Variants in CCDC102B observed in about 807,000 individuals in gnomAD.
The protein encoded by CCDC102B is coiled-coil domain containing 102B.
In CCDC102B, 75 loss-of-function variants were observed where a neutral mutation model predicts 57.4. That is an observed-to-expected ratio of 1.31 (90% confidence interval 1.08 to 1.58). CCDC102B has a LOEUF of 1.58. Ranked by LOEUF, CCDC102B falls within the 40% of genes most tolerant of loss-of-function variation. The probability of loss-of-function intolerance (pLI) is 0.00; values close to 1 mark genes in which losing one functional copy is unlikely to be tolerated. For missense variants in CCDC102B, 636 were observed against 582.6 expected (o/e 1.09, Z -0.94); for synonymous variants, 206 against 201.9 (o/e 1.02, Z -0.17).
intron 7 of CCDC102B, among the ~76,000 whole-genome samples, chr18:69,022,323 T>C (rs2051867184): frequency 6.9e-6 from 1 of 145,160 alleles, no homozygotes; most frequent in Admixed American, 7.1e-5. Context: ...GGGCCATATA[T>C]ATATGTGTGT....
At chr18:68,949,626 A>G (rs911603891) in intron 6 of CCDC102B, among the ~76,000 whole-genome samples, 2 of 152,070 alleles carry the variant, frequency 1.3e-5, no homozygotes, top group Non-Finnish European at 2.9e-5. Context: ...CCTCTGCTAT[A>G]ATGAATGACA....
chr18:68,875,240 A>G (rs1392988649), intron 5 of CCDC102B, among the ~76,000 whole-genome samples: 2 of 152,166 alleles, frequency 1.3e-5, no homozygotes, highest in African/African-American at 4.8e-5. Context: ...TACACCAAGT[A>G]GTGAAAACAC....
intron 2 of CCDC102B, among the ~76,000 whole-genome samples, chr18:68,745,596 A>G (rs1456539000): frequency 6.6e-6 from 1 of 152,124 alleles, no homozygotes; most frequent in East Asian, 1.9e-4. Flanking sequence ...GGGAATATTA[A>G]AAATCCTCTC....
chr18:68,992,687 C>G (rs1382477165), intron 6 of CCDC102B: 6 of 153,346 alleles, frequency 3.9e-5, no homozygotes, highest in Admixed American at 1.3e-4. Flanking sequence ...ATGGAAGCTC[C>G]AGGGGCAGAG....
Position 68,866,713 on chromosome 18 carries a change from A to G in CCDC102B, c.937-7956A>G, listed in dbSNP as rs1056731711. ...GTCTACAGTTTGGCCTCTTCTCATG[A>G]CGATGTCCATTTGCCACCGTGGGTC... On this transcript the variant is annotated intron_variant, in intron 4 of 7. Transcript: ENST00000360242. 21 of 532,380 alleles carry G rather than the reference A, an allele frequency of 3.9e-5. 1 individual carries two copies. Among genetic ancestry groups the G allele is most frequent in the African/African-American group, 3.1e-4 (16 of 52,198 alleles). 33.0% of individuals were successfully genotyped at this position (532,380 alleles called of 1,614,324 possible). A position where few individuals can be genotyped will look rare whatever the true frequency, so the allele number is the denominator to read the frequency against.
At chr18:68,811,444 A>G (rs1182073501) in intron 1 of CCDC102B, among the ~76,000 whole-genome samples, 2 of 152,114 alleles carry the variant, frequency 1.3e-5, no homozygotes, top group African/African-American at 4.8e-5. Flanking sequence ...GCAAAACCCC[A>G]TCTCTACTAA....
At chr18:68,875,322 ACTGTT>A (rs2039401727) in intron 5 of CCDC102B, among the ~76,000 whole-genome samples, 3 of 152,298 alleles carry the variant, frequency 2.0e-5, no homozygotes, top group Admixed American at 2.0e-4. Flanking sequence ...AGTGTTTTTT[ACTGTT>A]CTGTAGGTAA....
At chr18:68,943,254 A>AT (rs2049438190) in intron 6 of CCDC102B, among the ~76,000 whole-genome samples, 1 of 152,034 alleles carries the variant, frequency 6.6e-6, no homozygotes, top group Admixed American at 6.6e-5. Flanking sequence ...ATTACTGTTT[A>AT]TTTTTATTTT....
intron 6 of CCDC102B, among the ~76,000 whole-genome samples, chr18:68,969,520 G>C (rs1335545294): frequency 7.4e-6 from 1 of 135,084 alleles, no homozygotes; most frequent in Admixed American, 8.0e-5. Flanking sequence ...CATTCATTCT[G>C]TGAGATCAAT....
At chr18:68,743,894 T>C (rs2033511318) in intron 2 of CCDC102B, among the ~76,000 whole-genome samples, 1 of 152,220 alleles carries the variant, frequency 6.6e-6, no homozygotes, top group South Asian at 2.1e-4. Flanking sequence ...TGTTTTTTAG[T>C]TGAGTGTGAG....
rs529686296 is a variant in CCDC102B, at chr18:68,926,017, C to A, written c.1263+28589C>A. ...TTATACATTTTGGAGTTTTCTCCAC[C>A]AGGGATAATAAATTAGCAAAATATT... On this transcript the variant is annotated intron_variant, in intron 6 of 7. Coordinates refer to ENST00000360242, the MANE Select transcript of CCDC102B (RefSeq NM_024781.3). Among the ~76,000 whole-genome samples the A allele has an allele frequency of 1.6e-4, 24 of 151,862 alleles. No individual in the cohort carries two copies. In the East Asian group the frequency reaches 2.9e-3, roughly 18 times the overall value.
intron 6 of CCDC102B, among the ~76,000 whole-genome samples, chr18:68,923,754 A>G (rs2041372020): frequency 6.6e-6 from 1 of 152,078 alleles, no homozygotes; most frequent in African/African-American, 2.4e-5. Context: ...TTGTCTTTAT[A>G]TCACCTAGAA....
intron 2 of CCDC102B, among the ~76,000 whole-genome samples, chr18:68,770,435 A>T (rs144280006): frequency 8.7e-4 from 133 of 152,344 alleles, no homozygotes; most frequent in African/African-American, 3.2e-3. Flanking sequence ...ACATGGGCTT[A>T]GAAATAACAA....
intron 6 of CCDC102B, among the ~76,000 whole-genome samples, chr18:68,917,358 G>GAT (rs2041110657): frequency 6.6e-6 from 1 of 152,062 alleles, no homozygotes; most frequent in South Asian, 2.1e-4. Context: ...ATGAGCCTGG[G>GAT]GAGTAGCTGT....
chr18:68,957,557 G>GTT (rs33933822), intron 6 of CCDC102B, among the ~76,000 whole-genome samples: 70,144 of 131,546 alleles, frequency 0.53, 19,652 homozygotes, highest in East Asian at 0.83. Context: ...GATTCTTCCA[G>GTT]TTTTTTTTTT....
At chr18:69,052,745 G>C (rs967519141) in intron 7 of CCDC102B, among the ~76,000 whole-genome samples, 1 of 151,582 alleles carries the variant, frequency 6.6e-6, no homozygotes, top group African/African-American at 2.4e-5. Flanking sequence ...CATATCCACG[G>C]ATTCCACATT....
chr18:68,958,866 C>T (rs2049975394), intron 6 of CCDC102B, among the ~76,000 whole-genome samples: 1 of 152,014 alleles, frequency 6.6e-6, no homozygotes, highest in South Asian at 2.1e-4. Flanking sequence ...ATTTTAACCT[C>T]TTTGTTAAAT....
chr18:69,016,152 C>G (rs917818563), intron 7 of CCDC102B, among the ~76,000 whole-genome samples: 14 of 151,652 alleles, frequency 9.2e-5, no homozygotes, highest in Admixed American at 2.0e-4. Context: ...CGTGAGCCAC[C>G]GCGCCCGGCC....
chr18:68,940,184 T>A (rs2049340716), intron 6 of CCDC102B, among the ~76,000 whole-genome samples: 2 of 151,796 alleles, frequency 1.3e-5, no homozygotes, highest in Non-Finnish European at 3.0e-5. Flanking sequence ...AAATGAGTCA[T>A]AATTCTTTCA....
Sources: gnomAD v4.1 joint callset for allele counts (sites outside exome capture counted in the v4.1 genomes callset) on GRCh38, gnomAD v4.1.1 for gene constraint, MANE v1.5 for transcripts, NCBI Gene and HGNC (gene_info 2026-07-23, HGNC 2026-07-21) for gene names.